The following TMEM30A variants were observed in gnomAD, a reference collection of about 807,000 sequenced individuals.
TMEM30A encodes cell cycle control protein 50A.
A neutral mutation model predicts 38.2 loss-of-function variants in TMEM30A; 24 were observed. That is an observed-to-expected ratio of 0.63 (90% CI 0.46 to 0.88). The LOEUF (loss-of-function observed/expected upper bound fraction) is 0.88, where lower values mean the gene tolerates loss of function less well. TMEM30A is among the 40% of genes least tolerant of loss of function. The pLI, the probability that TMEM30A is intolerant of heterozygous loss-of-function variation, is 0.00. For missense variants in TMEM30A, 370 were observed against 458.6 expected (o/e 0.81, Z 1.77); for synonymous variants, 145 against 161.6 (o/e 0.90, Z 0.78).
intron 1 of TMEM30A, among the ~76,000 whole-genome samples, chr6:75,277,979 G>A (rs972609885): frequency 6.6e-6 from 1 of 152,104 alleles, no homozygotes; most frequent in Admixed American, 6.5e-5. Flanking sequence ...ACATTTATAT[G>A]CTGAACAGAG....
Position 75,259,461 on chromosome 6 carries a change from C to G in TMEM30A, c.571G>C (p.Asp191His), listed in dbSNP as rs1172253647. 2 of 1,607,236 alleles carry G rather than the reference C, an allele frequency of 1.2e-6. No individual in the cohort carries two copies. Among genetic ancestry groups the G allele is most frequent in the East Asian group, 2.2e-5 (1 of 44,630 alleles). ...AAAGCGATAGGTATAGGATAAGAAT[C>G]ATTGCCAATGAGAAACAATTCTAAT... Reference protein sequence around the residue: ...DTLELFLIGNDSYPIPIALKK... With the variant: ...DTLELFLIGNHSYPIPIALKK... The change falls in exon 5 of 7, where the codon GAT (aspartate) becomes CAT (histidine). Residue 191 changes from aspartate (D) to histidine (H), a missense_variant. Transcript: ENST00000230461.
At chr6:75,282,642 TTC>T (rs1772378226) in intron 1 of TMEM30A, among the ~76,000 whole-genome samples, 1 of 152,116 alleles carries the variant, frequency 6.6e-6, no homozygotes, top group Non-Finnish European at 1.5e-5. Context: ...ACACCTGAGT[TTC>T]TGTCTCATTT....
chr6:75,265,075 C>T (rs760065286), intron 3 of TMEM30A, among the ~76,000 whole-genome samples, 156 bp downstream of exon 3: 1 of 151,268 alleles, frequency 6.6e-6, no homozygotes, highest in Non-Finnish European at 1.5e-5. Flanking sequence ...CCAGCCTGGG[C>T]GACAAAGTGA....
intron 1 of TMEM30A, among the ~76,000 whole-genome samples, chr6:75,270,871 GCAT>G (rs2149522007): frequency 1.3e-5 from 2 of 152,214 alleles, no homozygotes; most frequent in South Asian, 4.1e-4. Flanking sequence ...TTCTTTCACT[GCAT>G]AATTAAAGAA....
At chr6:75,277,625 G>C (rs1772284557) in intron 1 of TMEM30A, among the ~76,000 whole-genome samples, 1 of 152,132 alleles carries the variant, frequency 6.6e-6, no homozygotes, top group East Asian at 1.9e-4. Flanking sequence ...AAAAAGGCCA[G>C]GTGCGGTGGC....
Position 75,284,578 on chromosome 6 carries a change from C to T in TMEM30A, c.61G>A (p.Gly21Ser), listed in dbSNP as rs1425491044. The change falls in exon 1 of 7, where the codon GGC (glycine) becomes AGC (serine). Residue 21 changes from glycine to serine, a missense_variant. Coordinates refer to ENST00000230461, the MANE Select transcript of TMEM30A (RefSeq NM_018247.4). ...VDGGPPCAPG[G>S]TAKTRRPDNT... ...TCCGGTCTCCGAGTCTTCGCGGTGC[C>T]CCCCGGAGCACACGGGGGCCCACCG... The T allele has an allele frequency of 5.6e-6, 9 of 1,613,442 alleles. No individual in the cohort carries two copies. In the Middle Eastern group the frequency reaches 4.9e-4, roughly 88 times the overall value.
intron 3 of TMEM30A, 48 bp from the exon 4 acceptor site, chr6:75,260,959 G>A: frequency 7.4e-7 from 1 of 1,342,556 alleles, no homozygotes. Context: ...CCAGGCCTTT[G>A]GGAGAACTAT....
intron 1 of TMEM30A, among the ~76,000 whole-genome samples, chr6:75,277,216 G>A (rs1772277053): frequency 6.8e-6 from 1 of 147,476 alleles, no homozygotes; most frequent in African/African-American, 2.5e-5. Flanking sequence ...GAAACTACAG[G>A]AAACTAAACA....
At chr6:75,277,327 A>T (rs1189875740) in intron 1 of TMEM30A, among the ~76,000 whole-genome samples, 1 of 134,126 alleles carries the variant, frequency 7.5e-6, no homozygotes, top group Non-Finnish European at 1.6e-5. Context: ...AAAAAAAAAA[A>T]TGGAGAGAAT....
intron 6 of TMEM30A, 117 bp from the exon 7 acceptor site, chr6:75,256,412 T>C: frequency 1.3e-6 from 1 of 780,576 alleles, no homozygotes; most frequent in East Asian, 2.6e-5. Context: ...GATATACAGG[T>C]ACCTCACTCC....
chr6:75,268,050 T>A (rs1298678981), intron 1 of TMEM30A, among the ~76,000 whole-genome samples: 1 of 152,210 alleles, frequency 6.6e-6, no homozygotes, highest in East Asian at 1.9e-4. Context: ...AGCTAAAACA[T>A]CTAAACTATT....
intron 2 of TMEM30A, among the ~76,000 whole-genome samples, chr6:75,266,139 G>A (rs1157370795): frequency 6.6e-6 from 1 of 152,124 alleles, no homozygotes; most frequent in Non-Finnish European, 1.5e-5. Context: ...TTTAGAGGTA[G>A]CAAACATTAA....
At chr6:75,274,221 G>A (rs182140714) in intron 1 of TMEM30A, among the ~76,000 whole-genome samples, 1 of 152,304 alleles carries the variant, frequency 6.6e-6, no homozygotes, top group East Asian at 1.9e-4. Flanking sequence ...CTATTAGCAT[G>A]TCACATTCCA....
chr6:75,270,544 G>A (rs1238892014), intron 1 of TMEM30A, among the ~76,000 whole-genome samples: 2 of 152,092 alleles, frequency 1.3e-5, no homozygotes, highest in African/African-American at 4.8e-5. Context: ...TGAGGACAAA[G>A]GAAGATGGCA....
At chr6:75,273,890 T>G (rs1233417188) in intron 1 of TMEM30A, among the ~76,000 whole-genome samples, 7 of 152,246 alleles carry the variant, frequency 4.6e-5, no homozygotes, top group African/African-American at 7.2e-5. Flanking sequence ...GTCTTGATGG[T>G]ACTGACTGAG....
intron 3 of TMEM30A, among the ~76,000 whole-genome samples, chr6:75,262,789 C>G (rs1418802463): frequency 1.3e-5 from 2 of 152,116 alleles, no homozygotes; most frequent in Non-Finnish European, 2.9e-5. Context: ...CAAAATGTAA[C>G]AGGGGAAGCA....
intron 3 of TMEM30A, among the ~76,000 whole-genome samples, chr6:75,262,575 G>C (rs531131523): frequency 2.0e-5 from 3 of 150,032 alleles, no homozygotes; most frequent in African/African-American, 7.4e-5. Context: ...CGGGGAGGCA[G>C]AAGTTGCAGT....
chr6:75,259,555 CTA>C, intron 4 of TMEM30A, 65 bp from the exon 5 acceptor site: 3 of 1,400,508 alleles, frequency 2.1e-6, no homozygotes, highest in Non-Finnish European at 2.9e-6. Context: ...CTGCTTAACT[CTA>C]TGAGAAATAA....
In TMEM30A at chr6:75,260,802, T is replaced by C. The variant is rs750153978; in HGVS notation, c.541+22A>G. On this transcript the variant is annotated intron_variant, in intron 4 of 6. Transcript: ENST00000230461. ...GCAAATTGTCCTAATTATATATGTC[T>C]ATATTTGTATCTATATCATACCATT... 3 of 1,446,574 alleles carry C rather than the reference T, an allele frequency of 2.1e-6. No individual in the cohort carries two copies. In the East Asian group the frequency reaches 7.1e-5, roughly 34 times the overall value. The allele number at this position is 1,446,574 out of a possible 1,614,324, so 89.6% of individuals were successfully genotyped here. A position where few individuals can be genotyped will look rare whatever the true frequency, so the allele number is the denominator to read the frequency against.
Sources: gnomAD v4.1 joint callset for allele counts (sites outside exome capture counted in the v4.1 genomes callset) on GRCh38, gnomAD v4.1.1 for gene constraint, MANE v1.5 for transcripts, NCBI Gene and HGNC (gene_info 2026-07-23, HGNC 2026-07-21) for gene names.